ANO4: variants seen among roughly 807,000 people sequenced by gnomAD.
ANO4 encodes the protein anoctamin 4.
A neutral mutation model predicts 141.9 loss-of-function variants in ANO4; 69 were observed. The ratio of observed to expected loss-of-function variants is 0.49; its 90% confidence interval spans 0.40 to 0.59. ANO4 has a LOEUF of 0.59. Among genes scored for constraint, ANO4 ranks in the 20% least tolerant of loss-of-function variants. The pLI is 0.00. For missense variants in ANO4, 894 were observed against 1,162.2 expected, an observed-to-expected ratio of 0.77 and a Z score of 3.36; for synonymous variants, 350 against 394.3, an observed-to-expected ratio of 0.89 and a Z score of 1.33.
At chr12:101,125,648 G>GA (rs2051282308) in intron 26 of ANO4, among the ~76,000 whole-genome samples, 1 of 152,138 alleles carries the variant, frequency 6.6e-6, no homozygotes, top group African/African-American at 2.4e-5. Flanking sequence ...TGTGGTTTTT[G>GA]TCTTTAGTTC....
At position 100,823,045 on chromosome 12, in the gene ANO4, G is replaced by GA. The variant is rs141833424; in HGVS notation, c.-141+28026dup. On this transcript the variant is annotated intron_variant, in intron 1 of 27. Transcript: ENST00000392977. ...CCTTTTCATTCAAGTGTGTATTTCT[G>GA]AAAAAAAATCAGATATTTACAGATA... is the stretch of plus-strand genomic sequence containing the variant. Among the ~76,000 whole-genome samples the GA allele has an allele frequency of 3.0e-3, 461 of 151,548 alleles. 3 individuals are homozygous for GA. The highest frequency in any genetic ancestry group is 0.018 in the East Asian group (93 of 5,128).
intron 2 of ANO4, among the ~76,000 whole-genome samples, chr12:100,920,158 G>A (rs1321061269): frequency 2.6e-5 from 4 of 151,986 alleles, no homozygotes; most frequent in Non-Finnish European, 5.9e-5. Flanking sequence ...TTAGAACACA[G>A]GATCATTTTA....
chr12:100,759,420 A>G (rs140268334), intron 3 of ANO4, among the ~76,000 whole-genome samples: 349 of 152,316 alleles, frequency 2.3e-3, no homozygotes, highest in African/African-American at 7.8e-3. Flanking sequence ...ATGAATTCTT[A>G]TCTTGGCTCA....
chr12:100,742,244 G>A (rs2031901433), intron 3 of ANO4, among the ~76,000 whole-genome samples: 1 of 151,962 alleles, frequency 6.6e-6, no homozygotes, highest in South Asian at 2.1e-4. Context: ...TGTAAGTCTC[G>A]ACAATGACTA....
At chr12:101,060,763 A>G (rs750812227) in intron 14 of ANO4, among the ~76,000 whole-genome samples, 4 of 151,924 alleles carry the variant, frequency 2.6e-5, no homozygotes, top group African/African-American at 7.3e-5. Flanking sequence ...TTTTGAGCGC[A>G]TGTATGTCTT....
At chr12:100,934,126 T>C (rs1592759812) in intron 3 of ANO4, among the ~76,000 whole-genome samples, 3 of 152,054 alleles carry the variant, frequency 2.0e-5, no homozygotes, top group Non-Finnish European at 4.4e-5. Context: ...TCTATTTTGG[T>C]TTTTGTTGCC....
rs952448235 is a variant in ANO4, at chr12:100,816,293, A to C, written c.-141+21266A>C. 5.9e-5 allele frequency among the ~76,000 whole-genome samples: 9 copies of C among 152,040 alleles called. No individual in the cohort carries two copies. The South Asian group carries it at 1.2e-3, about 21-fold the overall frequency. Reference sequence around the variant, plus strand: ...AATTATGATCACTGTTATGAGTTACAGGCAAATGGCATGAGAGAATAACTG... The same window carrying C: ...AATTATGATCACTGTTATGAGTTACCGGCAAATGGCATGAGAGAATAACTG... On this transcript the variant is annotated intron_variant, in intron 1 of 27. Transcript: ENST00000392977.
At chr12:101,039,261 T>C (rs1006416318) in intron 10 of ANO4, among the ~76,000 whole-genome samples, 18 of 152,090 alleles carry the variant, frequency 1.2e-4, no homozygotes, top group Admixed American at 4.6e-4. Flanking sequence ...TCCCAGCACA[T>C]TGGGAGGCCG....
At chr12:101,012,306 T>A (rs1222215476) in intron 8 of ANO4, among the ~76,000 whole-genome samples, 1 of 152,036 alleles carries the variant, frequency 6.6e-6, no homozygotes, top group Non-Finnish European at 1.5e-5. Context: ...GCTCTATTTT[T>A]AAAAATTTTA....
intron 5 of ANO4, among the ~76,000 whole-genome samples, chr12:100,946,720 T>C (rs1234898644): frequency 3.9e-5 from 6 of 152,134 alleles, no homozygotes; most frequent in Non-Finnish European, 8.8e-5. Context: ...GATACACATT[T>C]GAATGAGATC....
chr12:100,827,986 A>T (rs568619891), intron 1 of ANO4, among the ~76,000 whole-genome samples: 1 of 152,108 alleles, frequency 6.6e-6, no homozygotes, highest in Admixed American at 6.6e-5. Context: ...TTTCAAATGG[A>T]TAGGGGTAAG....
At chr12:101,108,039 G>C (rs1187148060) in intron 22 of ANO4, among the ~76,000 whole-genome samples, 1 of 152,136 alleles carries the variant, frequency 6.6e-6, no homozygotes, top group Non-Finnish European at 1.5e-5. Context: ...GGATAAATAC[G>C]TTCAAGGATG....
intron 1 of ANO4, among the ~76,000 whole-genome samples, chr12:100,851,949 G>A (rs2037897380): frequency 6.6e-6 from 1 of 152,200 alleles, no homozygotes; most frequent in African/African-American, 2.4e-5. Context: ...GAGAGAGCAG[G>A]TGGAAATGAG....
chr12:100,897,104 A>T (rs1456679080), intron 1 of ANO4, among the ~76,000 whole-genome samples: 1 of 152,184 alleles, frequency 6.6e-6, no homozygotes, highest in Non-Finnish European at 1.5e-5. Flanking sequence ...TACTAACCTC[A>T]CCTTATCCCC....
chr12:100,977,642 TCC>T (rs1207916106), intron 7 of ANO4, among the ~76,000 whole-genome samples: 2 of 152,158 alleles, frequency 1.3e-5, no homozygotes, highest in African/African-American at 2.4e-5. Flanking sequence ...TACTCTTCAT[TCC>T]CACTGCCATT....
At chr12:101,054,646 C>T (rs2048028326) in intron 14 of ANO4, among the ~76,000 whole-genome samples, 1 of 152,168 alleles carries the variant, frequency 6.6e-6, no homozygotes, top group Non-Finnish European at 1.5e-5. Flanking sequence ...ATTACAGGCG[C>T]CCGCCACCAC....
At chr12:101,015,332 T>C (rs1016984159) in intron 8 of ANO4, among the ~76,000 whole-genome samples, 10 of 152,172 alleles carry the variant, frequency 6.6e-5, no homozygotes, top group Admixed American at 6.5e-4. Flanking sequence ...ATGCATGTAC[T>C]TCCTAATATG....
intron 26 of ANO4, among the ~76,000 whole-genome samples, chr12:101,122,019 A>C (rs565519902): frequency 2.0e-5 from 3 of 152,162 alleles, no homozygotes; most frequent in African/African-American, 7.2e-5. Flanking sequence ...GGCCTCCCAA[A>C]GTGCTGGGAT....
intron 1 of ANO4, among the ~76,000 whole-genome samples, chr12:100,816,646 A>G (rs905757654): frequency 2.0e-5 from 3 of 152,006 alleles, no homozygotes; most frequent in African/African-American, 4.8e-5. Context: ...TAGGACTTCA[A>G]CTGTTTATAA....
Sources: allele counts gnomAD v4.1 joint callset (sites outside exome capture counted in the v4.1 genomes callset), GRCh38; gene constraint gnomAD v4.1.1; transcripts MANE v1.5; gene names NCBI Gene and HGNC (gene_info 2026-07-23, HGNC 2026-07-21).